Variants in ITPR2 observed in about 807,000 individuals in gnomAD.
The protein encoded by ITPR2 is inositol 1,4,5-trisphosphate-gated calcium channel ITPR2.
In ITPR2, 207 loss-of-function variants were observed where a neutral mutation model predicts 317.1. The observed-to-expected ratio is 0.65, with a 90% CI of 0.58 to 0.73. The LOEUF is 0.73. Ranked by LOEUF, ITPR2 falls within the 30% of genes least tolerant of loss-of-function variation. The pLI, the probability that ITPR2 is intolerant of heterozygous loss-of-function variation, is 0.00. For synonymous variants in ITPR2, 1,156 were observed against 1,149.1 expected (o/e 1.01, Z -0.12); for missense variants, 2,613 against 3,284.0 (o/e 0.80, Z 4.99).
intron 10 of ITPR2, among the ~76,000 whole-genome samples, chr12:26,690,401 A>G (rs1200139921): frequency 6.6e-6 from 1 of 152,176 alleles, no homozygotes; most frequent in African/African-American, 2.4e-5. Context: ...CCTTAAAAGG[A>G]GTATGTGTCA....
intron 28 of ITPR2, 93 bp from the exon 29 acceptor site, chr12:26,600,202 T>G: frequency 9.4e-7 from 1 of 1,064,380 alleles, no homozygotes; most frequent in Non-Finnish European, 1.4e-6. Flanking sequence ...ACCATTTTTC[T>G]CTCTGCCCAT....
At chr12:26,599,021 A>T in intron 30 of ITPR2, 124 bp downstream of exon 30, 2 of 778,480 alleles carry the variant, frequency 2.6e-6, no homozygotes, top group Non-Finnish European at 4.2e-6. Flanking sequence ...GCACTTGAGT[A>T]GTCATGATTA....
chr12:26,569,282 G>A (rs1258953199), intron 34 of ITPR2, among the ~76,000 whole-genome samples: 1 of 152,026 alleles, frequency 6.6e-6, no homozygotes, highest in Non-Finnish European at 1.5e-5. Flanking sequence ...TGGTGGGCAC[G>A]GTGGTTCATA....
intron 45 of ITPR2, among the ~76,000 whole-genome samples, chr12:26,471,069 T>C (rs201111431): frequency 1.3e-5 from 2 of 152,180 alleles, no homozygotes; most frequent in African/African-American, 2.4e-5. Context: ...ATATAACCAA[T>C]CAGAGTGACC....
At position 26,414,058 on chromosome 12, in the gene ITPR2, C is replaced by T. The variant is rs896357195; in HGVS notation, c.7306+1245G>A. On this transcript the variant is annotated intron_variant, in intron 51 of 56. Transcript: ENST00000381340. ...GTCTACATGTATATATGTACACACA[C>T]ACACACACACACACACACACACACA... Among the ~76,000 whole-genome samples the T allele has an allele frequency of 1.3e-3, 198 of 150,236 alleles. 1 individual carries two copies. In the East Asian group the frequency reaches 0.028, roughly 21 times the overall value.
At chr12:26,488,829 GTTC>G (rs980535376) in intron 39 of ITPR2, among the ~76,000 whole-genome samples, 4 of 152,210 alleles carry the variant, frequency 2.6e-5, no homozygotes, top group South Asian at 2.1e-4. Flanking sequence ...AATTTATGTA[GTTC>G]TTCTATATAT....
intron 37 of ITPR2, among the ~76,000 whole-genome samples, chr12:26,549,162 T>C (rs1178445778): frequency 6.6e-6 from 1 of 152,216 alleles, no homozygotes; most frequent in African/African-American, 2.4e-5. Flanking sequence ...ATTTTTTAAA[T>C]ATGAAAGCAC....
At chr12:26,821,867 T>C (rs1033063407) in intron 1 of ITPR2, among the ~76,000 whole-genome samples, 3 of 152,264 alleles carry the variant, frequency 2.0e-5, no homozygotes, top group Non-Finnish European at 4.4e-5. Context: ...GTGAGTACTC[T>C]ATTCTCTGAA....
chr12:26,723,910 TA>T (rs1483828555), intron 4 of ITPR2, among the ~76,000 whole-genome samples: 2 of 152,140 alleles, frequency 1.3e-5, no homozygotes, highest in Non-Finnish European at 2.9e-5. Flanking sequence ...GCCAACGATG[TA>T]ACAGACTATG....
intron 1 of ITPR2, among the ~76,000 whole-genome samples, chr12:26,825,163 G>A (rs543651986): frequency 6.6e-6 from 1 of 152,282 alleles, no homozygotes; most frequent in African/African-American, 2.4e-5. Flanking sequence ...AACCCAGGAG[G>A]CAGAGGTTGC....
chr12:26,817,015 T>TA (rs376218460), intron 1 of ITPR2, among the ~76,000 whole-genome samples: 1 of 150,942 alleles, frequency 6.6e-6, no homozygotes, highest in Non-Finnish European at 1.5e-5. Flanking sequence ...CCATCTCTAC[T>TA]AAAAAATACA....
chr12:26,522,191 T>C (rs1943684608), intron 37 of ITPR2, among the ~76,000 whole-genome samples: 1 of 152,206 alleles, frequency 6.6e-6, no homozygotes, highest in Admixed American at 6.5e-5. Context: ...AACCAACCTG[T>C]ATAATGCTGA....
At chr12:26,818,316 T>G (rs997268990) in intron 1 of ITPR2, among the ~76,000 whole-genome samples, 16 of 152,192 alleles carry the variant, frequency 1.1e-4, no homozygotes, top group African/African-American at 3.9e-4. Context: ...CTTAAGAAAG[T>G]GCTTTTACAT....
intron 45 of ITPR2, among the ~76,000 whole-genome samples, chr12:26,467,246 A>G (rs1942190242): frequency 6.6e-6 from 1 of 152,206 alleles, no homozygotes; most frequent in Admixed American, 6.5e-5. Flanking sequence ...ATTTTTAAAG[A>G]AAAAAGTGGA....
At chr12:26,824,642 A>T (rs1198313946) in intron 1 of ITPR2, among the ~76,000 whole-genome samples, 1 of 152,232 alleles carries the variant, frequency 6.6e-6, no homozygotes, top group Non-Finnish European at 1.5e-5. Context: ...CATTTTAGTT[A>T]ACTTTCCTGG....
chr12:26,615,523 A>G (rs1173197142), intron 26 of ITPR2, among the ~76,000 whole-genome samples: 1 of 152,196 alleles, frequency 6.6e-6, no homozygotes, highest in East Asian at 1.9e-4. Context: ...TATGTACTAT[A>G]TAGTAATATA....
In ITPR2 at chr12:26,663,831, T is replaced by C. The variant is rs770307050; in HGVS notation, c.1567A>G (p.Lys523Glu). Residue 523 changes from lysine to glutamate, a missense_variant, in exon 15 of 57, where the codon AAA (lysine) becomes GAA (glutamate). Physicochemically the swap from Lys to Glu is moderately conservative, Grantham distance 56. Around this residue, in one of 9 missense-constraint regions of ITPR2, gnomAD observed 515 missense variants for 789.4 expected, o/e 0.65. Coordinates refer to ENST00000381340, the MANE Select transcript of ITPR2 (RefSeq NM_002223.4). ...NILAQVFGIL[K>E]APFKEKAGEG... ...CCTGCTTTCTCTTTAAAGGGTGCTT[T>C]AAGAATTCCAAATACCTATCAGGAA... 2.5e-6 allele frequency: 4 copies of C among 1,610,754 alleles called. No individual in the cohort carries two copies. Among genetic ancestry groups the C allele is most frequent in the Non-Finnish European group, 3.4e-6 (4 of 1,179,120 alleles).
At chr12:26,813,196 A>AT (rs1163684038) in intron 1 of ITPR2, among the ~76,000 whole-genome samples, 14 of 152,168 alleles carry the variant, frequency 9.2e-5, no homozygotes, top group African/African-American at 3.4e-4. Context: ...TAGCAGTAAG[A>AT]TTTTCTAATT....
intron 37 of ITPR2, among the ~76,000 whole-genome samples, chr12:26,502,481 T>C (rs1943091860): frequency 1.3e-5 from 2 of 152,112 alleles, no homozygotes; most frequent in South Asian, 2.1e-4. Context: ...CACACAATCA[T>C]TAAAGTGAAG....
Sources: allele counts gnomAD v4.1 joint callset (sites outside exome capture counted in the v4.1 genomes callset), GRCh38; gene constraint gnomAD v4.1.1; regional missense constraint gnomAD v4.1.1; transcripts MANE v1.5; gene names NCBI Gene and HGNC (gene_info 2026-07-23, HGNC 2026-07-21).